Variants in PLXDC1 observed in about 807,000 individuals in gnomAD.
The protein encoded by PLXDC1 is plexin domain containing 1.
PLXDC1 carries 39 observed loss-of-function variants against 61.3 expected under a neutral mutation model. The ratio of observed to expected loss-of-function variants is 0.64; its 90% CI spans 0.49 to 0.83. The LOEUF (loss-of-function observed/expected upper bound fraction) is 0.83, where lower values mean the gene tolerates loss of function less well. PLXDC1 is among the 40% of genes least tolerant of loss of function. The pLI is 0.00. For missense variants in PLXDC1, 596 were observed against 666.5 expected, an observed-to-expected ratio of 0.89 and a Z score of 1.17; for synonymous variants, 212 against 254.5, an observed-to-expected ratio of 0.83 and a Z score of 1.59.
At chr17:39,078,148 T>A in intron 10 of PLXDC1, 100 bp from the exon 11 acceptor site, 18 of 1,196,634 alleles carry the variant, frequency 1.5e-5, no homozygotes, top group Non-Finnish European at 2.0e-5. Context: ...GTCAGCTGCT[T>A]CAAATCCTTC....
chr17:39,092,582 A>C (rs1909997995), intron 7 of PLXDC1, among the ~76,000 whole-genome samples: 1 of 152,244 alleles, frequency 6.6e-6, no homozygotes, highest in East Asian at 1.9e-4. Context: ...GAGCTGCACC[A>C]TCTCATTTCC....
intron 8 of PLXDC1, among the ~76,000 whole-genome samples, chr17:39,086,654 G>A (rs1909750175): frequency 6.6e-6 from 1 of 151,960 alleles, no homozygotes; most frequent in South Asian, 2.1e-4. Context: ...TTGAGGTCAG[G>A]AGTTCAAAAC....
chr17:39,130,910 A>G (rs1004588921), intron 2 of PLXDC1, among the ~76,000 whole-genome samples: 4 of 152,132 alleles, frequency 2.6e-5, no homozygotes, highest in African/African-American at 9.7e-5. Flanking sequence ...ACAAAAAAGA[A>G]AAAAAGAAAC....
In PLXDC1 at chr17:39,128,144, T is replaced by C. The variant is rs1597655806; in HGVS notation, c.255+11510A>G. ...ATATATATGTGTATATATATGTATA[T>C]ATATGTGTGTATATATATGTATATA... On this transcript the variant is annotated intron_variant, in intron 2 of 13. Transcript: ENST00000315392. Among the ~76,000 whole-genome samples, 7 of 99,982 alleles carry C rather than the reference T, an allele frequency of 7.0e-5. 1 individual carries two copies. In the East Asian group the frequency reaches 2.3e-3, roughly 33 times the overall value. 65.6% of individuals were successfully genotyped at this position (99,982 alleles called of 152,430 possible).
chr17:39,109,203 G>C, intron 3 of PLXDC1, 45 bp downstream of exon 3: 2 of 1,576,478 alleles, frequency 1.3e-6, no homozygotes, highest in Non-Finnish European at 1.7e-6. Flanking sequence ...TTTGGCCCCC[G>C]GCCTCCCAGC....
chr17:39,080,830 C>G (rs1045229466), intron 9 of PLXDC1: 5 of 152,428 alleles, frequency 3.3e-5, no homozygotes, highest in Admixed American at 6.5e-5. Flanking sequence ...GCCCTTCCCC[C>G]AGCCTGACCA....
intron 7 of PLXDC1, among the ~76,000 whole-genome samples, chr17:39,101,297 C>G (rs1015857578): frequency 6.6e-6 from 1 of 152,206 alleles, no homozygotes; most frequent in Non-Finnish European, 1.5e-5. Flanking sequence ...GACATTCACA[C>G]GTATCACGTA....
chr17:39,096,723 C>T (rs1910217985), intron 7 of PLXDC1: 1 of 351,880 alleles, frequency 2.8e-6, no homozygotes, highest in Non-Finnish European at 5.7e-6. Context: ...TCCTCACTAA[C>T]TGATCCCACT....
At chr17:39,114,553 C>A (rs925274420) in intron 2 of PLXDC1, among the ~76,000 whole-genome samples, 1 of 152,162 alleles carries the variant, frequency 6.6e-6, no homozygotes, top group African/African-American at 2.4e-5. Context: ...GATCGTAAGA[C>A]CCCAAGAGTA....
chr17:39,072,440 C>G lies in PLXDC1; in HGVS notation c.1222+10G>C. Reference sequence around the variant, plus strand: ...GGTCTGACGCTGAGGGCAGGCAGTTCTGTACTCACCGTCTCCTCCTGCATA... The same window carrying G: ...GGTCTGACGCTGAGGGCAGGCAGTTGTGTACTCACCGTCTCCTCCTGCATA... On this transcript the variant is annotated intron_variant, in intron 12 of 13. Coordinates refer to ENST00000315392, the MANE Select transcript of PLXDC1 (RefSeq NM_020405.5). 6.5e-7 allele frequency: 1 copy of G among 1,548,062 alleles called. No individual in the cohort carries two copies. The highest frequency in any genetic ancestry group is 1.4e-5 in the African/African-American group (1 of 73,644).
chr17:39,150,035 A>G (rs1057231749), intron 1 of PLXDC1, among the ~76,000 whole-genome samples: 1 of 152,220 alleles, frequency 6.6e-6, no homozygotes, highest in Admixed American at 6.5e-5. Context: ...GATTTTGCCA[A>G]CAGCCTCACT....
At chr17:39,147,844 G>A (rs1187661293) in intron 1 of PLXDC1, among the ~76,000 whole-genome samples, 1 of 152,138 alleles carries the variant, frequency 6.6e-6, no homozygotes, top group Non-Finnish European at 1.5e-5. Context: ...GGGTGCTGGG[G>A]GGACACAAGC....
At chr17:39,072,140 C>T (rs570451968) in intron 12 of PLXDC1, 3 of 431,216 alleles carry the variant, frequency 7.0e-6, no homozygotes, top group African/African-American at 2.0e-5. Context: ...CCTGCCCTGG[C>T]TCAGTCCTTC....
intron 2 of PLXDC1, among the ~76,000 whole-genome samples, chr17:39,123,046 C>T (rs966835320): frequency 3.3e-5 from 5 of 152,200 alleles, no homozygotes; most frequent in East Asian, 1.9e-4. Flanking sequence ...GAGCACAATT[C>T]GAAAACCATT....
intron 9 of PLXDC1, chr17:39,079,727 T>A: frequency 2.8e-6 from 1 of 362,308 alleles, no homozygotes; most frequent in South Asian, 2.0e-5. Context: ...AGGGAAAGGA[T>A]GGGGGCATGA....
chr17:39,138,486 C>G (rs1013183996), intron 2 of PLXDC1, among the ~76,000 whole-genome samples: 3 of 152,120 alleles, frequency 2.0e-5, no homozygotes, highest in Admixed American at 1.3e-4. Flanking sequence ...GGTTGCTCAG[C>G]GGGAGTATAC....
At chr17:39,113,602 A>G (rs565316504) in intron 2 of PLXDC1, among the ~76,000 whole-genome samples, 1 of 152,296 alleles carries the variant, frequency 6.6e-6, no homozygotes, top group South Asian at 2.1e-4. Flanking sequence ...GCACTTTGAG[A>G]GGACGAGGCT....
chr17:39,067,713 A>C lies in PLXDC1; in HGVS notation c.*127T>G. ...CTGACGAAGCGAGCAGCAGCTCTGG[A>C]GCCATAAACCACCATCTCATCTCAG... On this transcript the variant is annotated 3_prime_UTR_variant, in exon 14 of 14. Transcript: ENST00000315392. 1 of 910,232 alleles carries C rather than the reference A, an allele frequency of 1.1e-6. No homozygotes were observed. Among genetic ancestry groups the C allele is most frequent in the Non-Finnish European group, 1.7e-6 (1 of 592,228 alleles). 56.4% of individuals were successfully genotyped at this position (910,232 alleles called of 1,614,324 possible).
intron 2 of PLXDC1, among the ~76,000 whole-genome samples, chr17:39,129,386 A>C (rs560209236): frequency 6.7e-4 from 101 of 150,692 alleles, no homozygotes; most frequent in Non-Finnish European, 8.0e-4. Context: ...TGGGAGGCTG[A>C]GGTGGGTGGA....
Sources: gnomAD v4.1 joint callset for allele counts (sites outside exome capture counted in the v4.1 genomes callset) on GRCh38, gnomAD v4.1.1 for gene constraint, MANE v1.5 for transcripts, NCBI Gene and HGNC (gene_info 2026-07-23, HGNC 2026-07-21) for gene names.